The following TTN variants were observed in gnomAD, a reference collection of about 807,000 sequenced individuals.
TTN encodes titin, also known as connectin.
A neutral mutation model predicts 3,223.0 loss-of-function variants in TTN; 1,525 were observed. The observed-to-expected ratio is 0.47, with a 90% CI of 0.45 to 0.49. The LOEUF is 0.49. Ranked by LOEUF, TTN falls within the 20% of genes least tolerant of loss-of-function variation. TTN has a pLI of 0.00. For synonymous variants in TTN, 14,094 were observed against 15,161.0 expected, an observed-to-expected ratio of 0.93 and a Z score of 5.17; for missense variants, 40,786 against 43,424.0, an observed-to-expected ratio of 0.94 and a Z score of 5.40.
chr2:178,668,548 T>C (rs1313331239), intron 159 of TTN, among the ~76,000 whole-genome samples: 1 of 151,844 alleles, frequency 6.6e-6, no homozygotes, highest in Non-Finnish European at 1.5e-5. Context: ...CTGACCAACA[T>C]GGTAAAACCC....
At chr2:178,751,883 AAAG>A in intron 47 of TTN, 1 of 1,605,026 alleles carries the variant, frequency 6.2e-7, no homozygotes, top group Admixed American at 1.7e-5. Flanking sequence ...TTTCTGGGTA[AAAG>A]AAGGCTTAAA....
At position 178,593,460 on chromosome 2, in the gene TTN, G is replaced by A. The variant is rs1206288937; in HGVS notation, c.58748C>T (p.Pro19583Leu). 6.2e-7 allele frequency: 1 copy of A among 1,610,844 alleles called. No homozygotes were observed. Among genetic ancestry groups the A allele is most frequent in the East Asian group, 2.2e-5 (1 of 44,638 alleles). ...AACTTCTGTAACAATTGGCTGATCA[G>A]GTGCATCAGGAACCCCTGTAACAAA... is the stretch of plus-strand genomic sequence containing the variant. ...AKDRFRVPDA[P>L]DQPIVTEVTK... Residue 19583 changes from proline to leucine, a missense_variant, in exon 299 of 363, where the codon CCT (proline) becomes CTT (leucine). Transcript: ENST00000589042.
chr2:178,752,042 G>GTA, intron 47 of TTN: 1 of 1,307,172 alleles, frequency 7.7e-7, no homozygotes, highest in African/African-American at 2.7e-5. Context: ...GAATAATTCT[G>GTA]GAAAAAAAAA....
intron 236 of TTN, among the ~76,000 whole-genome samples, chr2:178,631,713 G>A (rs1196377874): frequency 6.6e-6 from 1 of 151,948 alleles, no homozygotes; most frequent in Non-Finnish European, 1.5e-5. Context: ...GTCTATATAT[G>A]TTAGCCTTCA....
chr2:178,557,951 G>A lies in TTN; in HGVS notation c.87403C>T (p.Leu29135=), dbSNP rs1559261592. 1 of 1,613,096 alleles carries A rather than the reference G, an allele frequency of 6.2e-7. No homozygotes were observed. The highest frequency in any genetic ancestry group is 2.2e-5 in the East Asian group (1 of 44,876). The change falls in exon 328 of 363, where the codon CTA becomes TTA. Residue 29135 remains leucine, a synonymous_variant. Transcript: ENST00000589042. ...CCAGTTGGAGGACCAGGCCTGTCTAGCACAACAATGTTAATGAAAGCTTTG... is the reference window on the plus strand; with the variant it reads ...CCAGTTGGAGGACCAGGCCTGTCTAACACAACAATGTTAATGAAAGCTTTG... ...TTKAFINIVV[L]DRPGPPTGPV... is the part of the protein sequence containing the mutation.
At chr2:178,746,575 C>G in intron 47 of TTN, 1 of 1,613,226 alleles carries the variant, frequency 6.2e-7, no homozygotes, top group South Asian at 1.1e-5. Flanking sequence ...CTCTTTCTTC[C>G]TGGGGCATTA....
Position 178,707,597 on chromosome 2 carries a change from G to C in TTN, c.28970C>G (p.Ser9657Trp). 1 of 1,613,826 alleles carries C rather than the reference G, an allele frequency of 6.2e-7. No homozygotes were observed. Among genetic ancestry groups the C allele is most frequent in the East Asian group, 2.2e-5 (1 of 44,888 alleles). The change falls in exon 100 of 363, where the codon TCG becomes TGG. Residue 9657 changes from serine (S) to tryptophan (W), a missense_variant. By Grantham distance (177) the Ser-to-Trp change is radical. Coordinates refer to ENST00000589042, the MANE Select transcript of TTN (RefSeq NM_001267550.2). ...TGAAGCTTTACACACATAATCTCCC[G>C]AATCTGCTTTAGCCACATCTCTGAG... is the stretch of plus-strand genomic sequence containing the variant. ...LELRDVAKADSGDYVCKASNV... is the reference protein window; with the variant it reads ...LELRDVAKADWGDYVCKASNV...
intron 257 of TTN, 109 bp from the exon 258 acceptor site, chr2:178,615,897 G>C (rs1472061842): frequency 3.3e-6 from 4 of 1,202,274 alleles, no homozygotes; most frequent in Admixed American, 6.1e-5. Flanking sequence ...TTGAATGCTA[G>C]GGATTATTCT....
chr2:178,695,856 T>A lies in TTN; in HGVS notation c.31207+9A>T. The A allele has an allele frequency of 7.0e-7, 1 of 1,426,470 alleles. No individual in the cohort carries two copies. The highest frequency in any genetic ancestry group is 9.2e-7 in the Non-Finnish European group (1 of 1,089,456). 88.4% of individuals were successfully genotyped at this position (1,426,470 alleles called of 1,614,324 possible). ...AAAGAGGGAAACAAGTCATTCAGTT[T>A]ATACATACCTTCATAGACCTCCTTT... On this transcript the variant is annotated intron_variant, in intron 114 of 362. Coordinates refer to ENST00000589042, the MANE Select transcript of TTN (RefSeq NM_001267550.2).
At position 178,560,441 on chromosome 2, in the gene TTN, T is replaced by A. The variant is rs199859344; in HGVS notation, c.85691A>T (p.Lys28564Ile). The A allele has an allele frequency of 3.3e-4, 535 of 1,613,622 alleles. No homozygotes were observed. In the African/African-American group the frequency reaches 6.5e-3, roughly 20 times the overall value. The change falls in exon 326 of 363, where the codon AAA (lysine) becomes ATA (isoleucine). Residue 28564 changes from lysine (K) to isoleucine (I), a missense_variant. By Grantham distance (102) the Lys-to-Ile change is moderately radical. Coordinates refer to ENST00000589042, the MANE Select transcript of TTN (RefSeq NM_001267550.2). ...TGACCAGCAAAGTGTCATAGATTCTTTGGTCACAGAAGTAATTTCCAAAGA... is the reference window on the plus strand; with the variant it reads ...TGACCAGCAAAGTGTCATAGATTCTATGGTCACAGAAGTAATTTCCAAAGA... ...PTSLEITSVT[K>I]ESMTLCWSRP...
chr2:178,699,198 G>C (rs1274473452), intron 111 of TTN, among the ~76,000 whole-genome samples: 1 of 151,686 alleles, frequency 6.6e-6, no homozygotes, highest in Admixed American at 6.6e-5. Context: ...GTGAATCTAA[G>C]TGATATCATA....
rs2049301507 is a variant in TTN at position 178,587,535 on chromosome 2, G to A, written c.63774C>T (p.Phe21258=). Residue 21258 remains phenylalanine (F), a synonymous_variant, in exon 306 of 363, where the codon TTC becomes TTT. Coordinates refer to ENST00000589042, the MANE Select transcript of TTN (RefSeq NM_001267550.2). The part of the protein sequence containing the change: ...LVNPAGEKAV[F]VNVRVLDTPG... ...ACCCACCTAATACTCTGACATTTAC[G>A]AATACAGCCTTTTCTCCTGCTGGGT... is the stretch of plus-strand genomic sequence containing the variant. 7 of 1,609,192 alleles carry A rather than the reference G, an allele frequency of 4.4e-6. No individual in the cohort carries two copies. The highest frequency in any genetic ancestry group is 5.9e-6 in the Non-Finnish European group (7 of 1,177,348).
Position 178,665,230 on chromosome 2 carries a change from G to T in TTN, c.36043+147C>A. On this transcript the variant is annotated intron_variant, in intron 165 of 362. Transcript: ENST00000589042. ...AACAGCCATAAATAATTTCTTTTTA[G>T]AGGAAACTTCCTGTGGAACCTCAGA... is the stretch of plus-strand genomic sequence containing the variant. The T allele has an allele frequency of 4.8e-6, 4 of 828,106 alleles. No homozygotes were observed. In the South Asian group the frequency reaches 5.7e-5, roughly 12 times the overall value. The allele number at this position is 828,106 out of a possible 1,614,324, so 51.3% of individuals were successfully genotyped here. A position where few individuals can be genotyped will look rare whatever the true frequency, so the allele number is the denominator to read the frequency against.
rs777609617 is a variant in TTN, at chr2:178,740,639, T to A, written c.12594A>T (p.Thr4198=). The change falls in exon 48 of 363, where the codon ACA becomes ACT. Residue 4198 remains threonine, a synonymous_variant. Transcript: ENST00000589042. The part of the protein sequence containing the change: ...AMSIEQINSL[T]VEPLKTLLAE... Reference sequence around the variant, plus strand: ...CTAATAAAGTTTTCAGAGGCTCAACTGTTAATGAATTAATTTGTTCTATGG... The same window carrying A: ...CTAATAAAGTTTTCAGAGGCTCAACAGTTAATGAATTAATTTGTTCTATGG... The A allele has an allele frequency of 6.2e-6, 10 of 1,613,732 alleles. No homozygotes were observed. The South Asian group carries it at 8.8e-5, about 14-fold the overall frequency.
rs369174451 is a variant in TTN at position 178,534,339 on chromosome 2, A to G, written c.102276T>C (p.Arg34092=). The G allele has an allele frequency of 3.1e-6, 5 of 1,612,852 alleles. No individual in the cohort carries two copies. In the Admixed American group the frequency reaches 8.3e-5, roughly 27 times the overall value. ...CTTTCTTGATCAGGGTGTGGTAATAACGCCGGTGTTTTAATGTTCTGATAA... is the reference window on the plus strand; with the variant it reads ...CTTTCTTGATCAGGGTGTGGTAATAGCGCCGGTGTTTTAATGTTCTGATAA... ...TKVIRTLKHR[R]YYHTLIKKDL... is the part of the protein sequence containing the mutation. The change falls in exon 358 of 363, where the codon CGT becomes CGC. Residue 34092 remains arginine, a synonymous_variant. Coordinates refer to ENST00000589042, the MANE Select transcript of TTN (RefSeq NM_001267550.2).
chr2:178,572,765 G>T lies in TTN; in HGVS notation c.73367C>A (p.Pro24456His). The change falls in exon 326 of 363, where the codon CCT (proline) becomes CAT (histidine). Residue 24456 changes from proline to histidine, a missense_variant. By Grantham distance (77) the Pro-to-His change is moderately conservative. Coordinates refer to ENST00000589042, the MANE Select transcript of TTN (RefSeq NM_001267550.2). ...LRLFVPIKGR[P>H]APEVKWARDH... is the part of the protein sequence containing the mutation. ...CCGGGCCCACTTCACCTCAGGTGCA[G>T]GCCTTCCTTTGATGGGAACAAAAAG... is the stretch of plus-strand genomic sequence containing the variant. 1 of 1,613,472 alleles carries T rather than the reference G, an allele frequency of 6.2e-7. No homozygotes were observed. The highest frequency in any genetic ancestry group is 8.5e-7 in the Non-Finnish European group (1 of 1,179,590).
chr2:178,764,846 AGT>A, intron 41 of TTN, 35 bp from the exon 42 acceptor site: 1 of 1,611,086 alleles, frequency 6.2e-7, no homozygotes, highest in African/African-American at 1.3e-5. Context: ...CCCATGAAAA[AGT>A]GTAAAAACAC....
At chr2:178,679,288 C>A (rs569836528) in intron 142 of TTN, 51 bp downstream of exon 142, 2 of 1,577,066 alleles carry the variant, frequency 1.3e-6, no homozygotes, top group African/African-American at 2.7e-5. Context: ...CCAAGTTATG[C>A]TGCATGGGTG....
intron 282 of TTN, among the ~76,000 whole-genome samples, chr2:178,603,641 TA>T (rs2054033746): frequency 6.6e-6 from 1 of 152,002 alleles, no homozygotes; most frequent in Admixed American, 6.6e-5. Flanking sequence ...ATATTTGGTT[TA>T]ATCCAAGAGT....
Sources: allele counts gnomAD v4.1 joint callset (sites outside exome capture counted in the v4.1 genomes callset), GRCh38; gene constraint gnomAD v4.1.1; transcripts MANE v1.5; gene names NCBI Gene and HGNC (gene_info 2026-07-23, HGNC 2026-07-21).